DCLRE1A: variants seen among roughly 807,000 people sequenced by gnomAD.
DCLRE1A encodes DNA cross-link repair 1A protein.
DCLRE1A carries 64 observed loss-of-function variants against 91.9 expected under a neutral mutation model. The ratio of observed to expected loss-of-function variants is 0.70; its 90% CI spans 0.57 to 0.86. The LOEUF is 0.86. Among genes scored for constraint, DCLRE1A ranks in the 40% least tolerant of loss-of-function variants. The pLI is 0.00. For synonymous variants in DCLRE1A, 416 were observed against 431.1 expected (o/e 0.96, Z 0.43); for missense variants, 1,145 against 1,213.3 (o/e 0.94, Z 0.84).
Position 113,853,411 on chromosome 10 carries a change from A to C in DCLRE1A, c.-229T>G. The C allele has an allele frequency of 2.3e-6, 1 of 438,900 alleles. No homozygotes were observed. Among genetic ancestry groups the C allele is most frequent in the Non-Finnish European group, 4.0e-6 (1 of 250,082 alleles). 27.2% of individuals were successfully genotyped at this position (438,900 alleles called of 1,614,324 possible). On this transcript the variant is annotated 5_prime_UTR_variant, in exon 1 of 9. Coordinates refer to ENST00000361384, the MANE Select transcript of DCLRE1A (RefSeq NM_014881.5). Reference sequence around the variant, plus strand: ...TTCCATTTATACCACAATGAAACTAAGATAAACCTATCACAGGAGTAGCAA... The same window carrying C: ...TTCCATTTATACCACAATGAAACTACGATAAACCTATCACAGGAGTAGCAA...
At chr10:113,837,399 C>A (rs1164551485) in intron 7 of DCLRE1A, among the ~76,000 whole-genome samples, 196 bp from the exon 8 acceptor site, 1 of 152,014 alleles carries the variant, frequency 6.6e-6, no homozygotes, top group Non-Finnish European at 1.5e-5. Context: ...CTTTACTTAT[C>A]TGAAGTTAAA....
rs979824040 is a variant in DCLRE1A at position 113,834,843 on chromosome 10, T to C, written c.*309A>G. On this transcript the variant is annotated 3_prime_UTR_variant, in exon 9 of 9. Transcript: ENST00000361384. ...TTCAAACTACTTTATTAATTATCAT[T>C]AATCCTTTTGGTCCCTGAATCTGCC... is the stretch of plus-strand genomic sequence containing the variant. 3 of 203,954 alleles carry C rather than the reference T, an allele frequency of 1.5e-5. No individual in the cohort carries two copies. Among genetic ancestry groups the C allele is most frequent in the African/African-American group, 4.6e-5 (2 of 43,416 alleles). The allele number at this position is 203,954 out of a possible 1,614,324, so 12.6% of individuals were successfully genotyped here.
At position 113,849,028 on chromosome 10, in the gene DCLRE1A, C is replaced by G; in HGVS notation, c.2077G>C (p.Val693Leu). ...CATGTCTTTTTTCTTGATCCTCCTACATTAGATGACTCTGGGATTTTCTTG... is the reference window on the plus strand; with the variant it reads ...CATGTCTTTTTTCTTGATCCTCCTAGATTAGATGACTCTGGGATTTTCTTG... ...GNKKIPESSN[V>L]GGSRKKTCPF... is the part of the protein sequence containing the mutation. The change falls in exon 2 of 9, where the codon GTA becomes CTA. Residue 693 changes from valine (V) to leucine (L), a missense_variant. Physicochemically the swap from Val to Leu is conservative, Grantham distance 32. Transcript: ENST00000361384. The G allele has an allele frequency of 6.2e-7, 1 of 1,614,084 alleles. No homozygotes were observed. Among genetic ancestry groups the G allele is most frequent in the Non-Finnish European group, 8.5e-7 (1 of 1,180,002 alleles).
intron 7 of DCLRE1A, among the ~76,000 whole-genome samples, chr10:113,838,090 C>T (rs1185099342): frequency 6.6e-6 from 1 of 151,902 alleles, no homozygotes; most frequent in Non-Finnish European, 1.5e-5. Context: ...ATAAAAATAC[C>T]TACCATAAGA....
chr10:113,838,863 C>T (rs533895099), intron 7 of DCLRE1A, among the ~76,000 whole-genome samples: 3 of 152,240 alleles, frequency 2.0e-5, no homozygotes, highest in East Asian at 1.9e-4. Context: ...GTATTTATAG[C>T]CTTTCAAAGG....
chr10:113,838,734 A>G (rs1181560294), intron 7 of DCLRE1A, among the ~76,000 whole-genome samples: 1 of 152,248 alleles, frequency 6.6e-6, no homozygotes, highest in Non-Finnish European at 1.5e-5. Context: ...GCAAATAATC[A>G]TCTATAACAT....
intron 3 of DCLRE1A, among the ~76,000 whole-genome samples, chr10:113,846,015 A>G (rs1445340610): frequency 1.3e-5 from 2 of 152,152 alleles, no homozygotes; most frequent in Non-Finnish European, 2.9e-5. Flanking sequence ...TGAAGAGTCC[A>G]TCCTTCCCAC....
rs1364032431 is a variant in DCLRE1A, at chr10:113,849,619, C to G, written c.1486G>C (p.Ala496Pro). 2.5e-6 allele frequency: 4 copies of G among 1,614,002 alleles called. No individual in the cohort carries two copies. The African/African-American group carries it at 5.3e-5, about 22-fold the overall frequency. ...CATGCTGAGTTAGTATTATTCTTAG[C>G]ATTCAAGTTCTCACTTGATAATTTT... ...IRKLSSENLNAKNNTNSACFC... is the reference protein window; with the variant it reads ...IRKLSSENLNPKNNTNSACFC... The change falls in exon 2 of 9, where the codon GCT becomes CCT. Residue 496 changes from alanine to proline, a missense_variant. Coordinates refer to ENST00000361384, the MANE Select transcript of DCLRE1A (RefSeq NM_014881.5).
chr10:113,840,073 C>T (rs1408519073), intron 7 of DCLRE1A, among the ~76,000 whole-genome samples: 1 of 152,048 alleles, frequency 6.6e-6, no homozygotes, highest in African/African-American at 2.4e-5. Context: ...GCGGGCAGAC[C>T]ACTTGAGCTC....
intron 7 of DCLRE1A, among the ~76,000 whole-genome samples, chr10:113,839,329 A>G (rs1043379463): frequency 1.3e-5 from 2 of 149,862 alleles, no homozygotes; most frequent in Non-Finnish European, 3.0e-5. Flanking sequence ...TGTCTCAAAA[A>G]AAAAAAAAAA....
chr10:113,853,017 C>T lies in DCLRE1A; in HGVS notation c.166G>A (p.Glu56Lys), dbSNP rs773159104. ...KRSRNRKRAA[E>K]AKEVKDHEVP... ...TCATGGTCCTTCACCTCTTTAGCTT[C>T]TGCGGCTCTTTTTCTGTTTCTACTC... Residue 56 changes from glutamate (E) to lysine (K), a missense_variant, in exon 1 of 9, where the codon GAA (glutamate) becomes AAA (lysine). Glu to Lys is a moderately conservative substitution (Grantham distance 56, BLOSUM62 1). Coordinates refer to ENST00000361384, the MANE Select transcript of DCLRE1A (RefSeq NM_014881.5). 1.9e-6 allele frequency: 3 copies of T among 1,613,956 alleles called. No individual in the cohort carries two copies. Among genetic ancestry groups the T allele is most frequent in the Non-Finnish European group, 2.5e-6 (3 of 1,180,004 alleles).
In DCLRE1A at chr10:113,841,655, A is replaced by G. The variant is rs796709362; in HGVS notation, c.2666-95T>C. 20 of 1,307,454 alleles carry G rather than the reference A, an allele frequency of 1.5e-5. No individual in the cohort carries two copies. The African/African-American group carries it at 2.1e-4, about 14-fold the overall frequency. 81.0% of individuals were successfully genotyped at this position (1,307,454 alleles called of 1,614,324 possible). On this transcript the variant is annotated intron_variant, in intron 6 of 8. Transcript: ENST00000361384. ...ATTTTAAGGTAAGAATTTACCAAAT[A>G]AAAGGAAATTCAAAACATTCACACT...
intron 3 of DCLRE1A, 97 bp from the exon 4 acceptor site, chr10:113,845,900 T>C: frequency 9.9e-7 from 1 of 1,011,268 alleles, no homozygotes; most frequent in Admixed American, 1.7e-5. Context: ...AACATCCATT[T>C]TCCTACTTAT....
At position 113,852,945 on chromosome 10, in the gene DCLRE1A, G is replaced by T. The variant is rs1171953995; in HGVS notation, c.238C>A (p.Gln80Lys). 6.2e-7 allele frequency: 1 copy of T among 1,614,116 alleles called. No individual in the cohort carries two copies. Among genetic ancestry groups the T allele is most frequent in the Admixed American group, 1.7e-5 (1 of 60,010 alleles). Residue 80 changes from glutamine to lysine, a missense_variant, in exon 1 of 9, where the codon CAG (glutamine) becomes AAG (lysine). Physicochemically the swap from Gln to Lys is moderately conservative, Grantham distance 53 (BLOSUM62 1). Transcript: ENST00000361384. The part of the protein sequence containing the change: ...AGCQTSVASS[Q>K]NSSCGDGIQQ... ...ATACCATCTCCACAACTTGAATTCTGACTAGAAGCAACAGAAGTCTGACAA... is the reference window on the plus strand; with the variant it reads ...ATACCATCTCCACAACTTGAATTCTTACTAGAAGCAACAGAAGTCTGACAA...
rs3750898 is a variant in DCLRE1A, at chr10:113,850,156, C to G, written c.949G>C (p.Asp317His). The change falls in exon 2 of 9, where the codon GAT (aspartate) becomes CAT (histidine). Residue 317 changes from aspartate (D) to histidine (H), a missense_variant. Coordinates refer to ENST00000361384, the MANE Select transcript of DCLRE1A (RefSeq NM_014881.5). ...AAAAACAGTTGTTCTTGTGAATCAT[C>G]CGGTTTTTCATCGATATCATGAGTG... ...EDTHDIDEKP[D>H]DSQEQLFFTE... 0.76 allele frequency: 1,219,537 copies of G among 1,613,794 alleles called. 467,821 individuals carry two copies. The highest frequency in any genetic ancestry group is 0.86 in the Admixed American group (51,442 of 60,014).
chr10:113,845,641 T>C, intron 4 of DCLRE1A, 44 bp downstream of exon 4: 2 of 1,446,874 alleles, frequency 1.4e-6, no homozygotes, highest in Non-Finnish European at 1.9e-6. Flanking sequence ...GTTGTCCTTT[T>C]GAACATTTAA....
At position 113,837,883 on chromosome 10, in the gene DCLRE1A, C is replaced by T. The variant is rs17235255; in HGVS notation, c.2821-680G>A. On this transcript the variant is annotated intron_variant, in intron 7 of 8. Coordinates refer to ENST00000361384, the MANE Select transcript of DCLRE1A (RefSeq NM_014881.5). The stretch of plus-strand genomic sequence containing the variant: ...AAATCAATGACTGAAGTTCAGTCTT[C>T]GAAAGATAACAGAAATCCAGTTACA... 2.4e-3 allele frequency among the ~76,000 whole-genome samples: 363 copies of T among 152,016 alleles called. 1 individual carries two copies. The highest frequency in any genetic ancestry group is 7.9e-3 in the African/African-American group (326 of 41,484).
In DCLRE1A at chr10:113,852,599, T is replaced by C. The variant is rs17228679; in HGVS notation, c.460+124A>G. 5.5e-3 allele frequency: 4,898 copies of C among 897,086 alleles called. 126 individuals carry two copies. In the African/African-American group the frequency reaches 0.065, roughly 12 times the overall value. 55.6% of individuals were successfully genotyped at this position (897,086 alleles called of 1,614,324 possible). ...ATTATACCGTTGACTGGTATGGTGT[T>C]TCCCAGTGTCTCATCTCTCTTTTAG... is the stretch of plus-strand genomic sequence containing the variant. On this transcript the variant is annotated intron_variant, in intron 1 of 8. Transcript: ENST00000361384.
intron 6 of DCLRE1A, 33 bp from the exon 7 acceptor site, chr10:113,841,593 A>T: frequency 5.1e-6 from 8 of 1,557,754 alleles, no homozygotes; most frequent in African/African-American, 1.4e-5. Context: ...AAAATAGTAA[A>T]CTTACAGCTT....
Sources: allele counts gnomAD v4.1 joint callset (sites outside exome capture counted in the v4.1 genomes callset), GRCh38; gene constraint gnomAD v4.1.1; transcripts MANE v1.5; gene names NCBI Gene and HGNC (gene_info 2026-07-23, HGNC 2026-07-21).